The following SSX2IP variants were observed in gnomAD, a reference collection of about 807,000 sequenced individuals.
SSX2IP encodes afadin- and alpha-actinin-binding protein.
A neutral mutation model predicts 84.9 loss-of-function variants in SSX2IP; 55 were observed. That is an observed-to-expected ratio of 0.65 (90% confidence interval 0.52 to 0.81). The LOEUF is 0.81. Among genes scored for constraint, SSX2IP ranks in the 30% least tolerant of loss-of-function variants. SSX2IP has a pLI of 0.00. For missense variants in SSX2IP, 664 were observed against 705.2 expected, an observed-to-expected ratio of 0.94 and a Z score of 0.66; for synonymous variants, 239 against 234.7, an observed-to-expected ratio of 1.02 and a Z score of -0.17.
At position 84,655,820 on chromosome 1, in the gene SSX2IP, T is replaced by C. The variant is rs752505222; in HGVS notation, c.1389+12A>G. The C allele has an allele frequency of 2.5e-5, 41 of 1,611,410 alleles. No individual in the cohort carries two copies. In the East Asian group the frequency reaches 8.7e-4, roughly 34 times the overall value. ...CCAGTATTTTCAAAAGCACTACAAT[T>C]GTTTAAAATACCTCCAATCCCAGGC... On this transcript the variant is annotated intron_variant, in intron 11 of 13. Transcript: ENST00000342203.
chr1:84,683,234 C>A (rs1395440252), intron 1 of SSX2IP, among the ~76,000 whole-genome samples: 1 of 151,918 alleles, frequency 6.6e-6, no homozygotes, highest in African/African-American at 2.4e-5. Flanking sequence ...GGTTTTAAGC[C>A]CCGCATGCAT....
At chr1:84,652,599 G>A (rs191697668) in intron 11 of SSX2IP, among the ~76,000 whole-genome samples, 10 of 151,524 alleles carry the variant, frequency 6.6e-5, no homozygotes, top group Non-Finnish European at 1.0e-4. Flanking sequence ...GCATGGTGGC[G>A]TGCGCCTGTA....
At chr1:84,682,242 C>T (rs547151468) in intron 1 of SSX2IP, among the ~76,000 whole-genome samples, 4 of 152,252 alleles carry the variant, frequency 2.6e-5, no homozygotes, top group Non-Finnish European at 4.4e-5. Flanking sequence ...TTTTCCAGGG[C>T]GCTGTCACTT....
In SSX2IP at chr1:84,671,227, T is replaced by G. The variant is rs1345698081; in HGVS notation, c.-8A>C. The G allele has an allele frequency of 1.2e-6, 2 of 1,609,834 alleles. No homozygotes were observed. Among genetic ancestry groups the G allele is most frequent in the South Asian group, 2.2e-5 (2 of 90,420 alleles). On this transcript the variant is annotated 5_prime_UTR_variant, in exon 2 of 14. Coordinates refer to ENST00000342203, the MANE Select transcript of SSX2IP (RefSeq NM_001166293.2). Reference sequence around the variant, plus strand: ...AGTCATCCAATCTCCCATAGCAATCTCTAGAGCCAGGATACCTGAGGAACT... The same window carrying G: ...AGTCATCCAATCTCCCATAGCAATCGCTAGAGCCAGGATACCTGAGGAACT...
At chr1:84,650,302 T>C (rs749337263) in intron 13 of SSX2IP, 60 bp downstream of exon 13, 2 of 1,551,404 alleles carry the variant, frequency 1.3e-6, no homozygotes, top group Admixed American at 1.7e-5. Flanking sequence ...ACCTTTCCCT[T>C]AGCAGTGCAA....
chr1:84,653,198 A>G (rs982438408), intron 11 of SSX2IP, among the ~76,000 whole-genome samples: 1 of 152,360 alleles, frequency 6.6e-6, no homozygotes, highest in Non-Finnish European at 1.5e-5. Flanking sequence ...TATTAGCATA[A>G]CTTTTGAACA....
intron 12 of SSX2IP, 40 bp downstream of exon 12, chr1:84,651,843 T>G: frequency 8.3e-7 from 1 of 1,205,182 alleles, no homozygotes; most frequent in East Asian, 2.4e-5. Flanking sequence ...TAATTTTATT[T>G]ATATGCATGT....
At chr1:84,650,611 T>C in intron 12 of SSX2IP, 84 bp from the exon 13 acceptor site, 7 of 1,397,262 alleles carry the variant, frequency 5.0e-6, no homozygotes, top group Admixed American at 1.8e-5. Flanking sequence ...GGATGATTCA[T>C]CTGCGGTTCT....
chr1:84,652,824 G>C (rs956799707), intron 11 of SSX2IP, among the ~76,000 whole-genome samples: 3 of 152,006 alleles, frequency 2.0e-5, no homozygotes, highest in African/African-American at 7.3e-5. Flanking sequence ...AGGAGATCGA[G>C]ACCATCCTGG....
intron 1 of SSX2IP, among the ~76,000 whole-genome samples, chr1:84,676,562 T>C (rs1411903714): frequency 2.0e-5 from 3 of 152,086 alleles, no homozygotes; most frequent in African/African-American, 4.8e-5. Flanking sequence ...AGAGCTTAAA[T>C]CTATCATTCC....
At chr1:84,664,946 G>T (rs879703977) in intron 5 of SSX2IP, among the ~76,000 whole-genome samples, 3 of 152,130 alleles carry the variant, frequency 2.0e-5, no homozygotes, top group African/African-American at 7.2e-5. Flanking sequence ...GTGACAAAGT[G>T]AATTAAGCCT....
At chr1:84,659,787 A>C in intron 8 of SSX2IP, among the ~76,000 whole-genome samples, 1 of 132,346 alleles carries the variant, frequency 7.6e-6, no homozygotes. Flanking sequence ...ACAGAGTGAG[A>C]CTCCATCTCA....
In SSX2IP at chr1:84,688,007, C is replaced by A. The variant is rs146635218; in HGVS notation, c.-90+2364G>T. On this transcript the variant is annotated intron_variant, in intron 1 of 13. Transcript: ENST00000342203. ...TTTTTTTGCTTCCTGCCTCACTATG[C>A]TGATAATTTCTAAAATACAAATTCC... Among the ~76,000 whole-genome samples, 57 of 152,306 alleles carry A rather than the reference C, an allele frequency of 3.7e-4. No individual in the cohort carries two copies. In the East Asian group the frequency reaches 7.7e-3, roughly 21 times the overall value.
At chr1:84,667,619 CAGG>C (rs1279571126) in intron 4 of SSX2IP, among the ~76,000 whole-genome samples, 1 of 152,138 alleles carries the variant, frequency 6.6e-6, no homozygotes, top group African/African-American at 2.4e-5. Context: ...TTTACACCAT[CAGG>C]AGATGAGGCT....
intron 6 of SSX2IP, among the ~76,000 whole-genome samples, chr1:84,663,914 T>A (rs1304861947): frequency 6.6e-6 from 1 of 152,174 alleles, no homozygotes; most frequent in Non-Finnish European, 1.5e-5. Context: ...TGAAAAAGAC[T>A]ACTATTAGGA....
rs11362631 is a variant in SSX2IP, at chr1:84,660,895, CAAAAAAA to C, written c.927+1296_927+1302del. 1.1e-4 allele frequency among the ~76,000 whole-genome samples: 11 copies of C among 98,048 alleles called. No homozygotes were observed. In the South Asian group the frequency reaches 1.5e-3, roughly 13 times the overall value. 64.3% of individuals were successfully genotyped at this position (98,048 alleles called of 152,430 possible). On this transcript the variant is annotated intron_variant, in intron 8 of 13. Transcript: ENST00000342203. ...GTAAAACCCCGTCTCTACTAAAATACAAAAAAAAAAAAAAAAAAAAAATTAGCCGGGC... is the reference window on the plus strand; with the variant it reads ...GTAAAACCCCGTCTCTACTAAAATACAAAAAAAAAAAAAAATTAGCCGGGC...
intron 8 of SSX2IP, among the ~76,000 whole-genome samples, chr1:84,660,625 G>A (rs1207259158): frequency 6.6e-6 from 1 of 151,740 alleles, no homozygotes; most frequent in African/African-American, 2.4e-5. Flanking sequence ...ATTGGCCGTG[G>A]GTGGTGGTGC....
Position 84,647,297 on chromosome 1 carries a change from G to A in SSX2IP, c.*136C>T. On this transcript the variant is annotated 3_prime_UTR_variant, in exon 14 of 14. Coordinates refer to ENST00000342203, the MANE Select transcript of SSX2IP (RefSeq NM_001166293.2). Reference sequence around the variant, plus strand: ...GATTTAAGATTTCAACTCTTTGGGGGAAGACAGGGAAGTCCAAACAAACAA... The same window carrying A: ...GATTTAAGATTTCAACTCTTTGGGGAAAGACAGGGAAGTCCAAACAAACAA... The A allele has an allele frequency of 1.6e-6, 1 of 634,212 alleles. No individual in the cohort carries two copies. The highest frequency in any genetic ancestry group is 2.5e-6 in the Non-Finnish European group (1 of 396,592). 39.3% of individuals were successfully genotyped at this position (634,212 alleles called of 1,614,324 possible). A position where few individuals can be genotyped will look rare whatever the true frequency, so the allele number is the denominator to read the frequency against.
At chr1:84,649,898 G>C (rs771852469) in intron 13 of SSX2IP, 12 of 525,764 alleles carry the variant, frequency 2.3e-5, no homozygotes, top group Admixed American at 3.9e-5. Context: ...GTCATCCTTG[G>C]GCACAAATCT....
Sources: gnomAD v4.1 joint callset for allele counts (sites outside exome capture counted in the v4.1 genomes callset) on GRCh38, gnomAD v4.1.1 for gene constraint, MANE v1.5 for transcripts, NCBI Gene and HGNC (gene_info 2026-07-23, HGNC 2026-07-21) for gene names.